Variants in CUX2 observed in about 807,000 individuals in gnomAD.
The protein encoded by CUX2 is cut like homeobox 2, also known as homeobox protein cut-like 2.
In CUX2, 40 loss-of-function variants were observed where a neutral mutation model predicts 144.8. That is an observed-to-expected ratio of 0.28 (90% CI 0.21 to 0.36). CUX2 has a LOEUF of 0.36. Ranked by LOEUF, CUX2 falls within the 10% of genes least tolerant of loss-of-function variation. The pLI is 1.00. For synonymous variants in CUX2, 827 were observed against 875.6 expected, an observed-to-expected ratio of 0.94 and a Z score of 0.98; for missense variants, 1,615 against 1,994.0, an observed-to-expected ratio of 0.81 and a Z score of 3.62.
chr12:111,348,229 G>C lies in CUX2; in HGVS notation c.4365G>C (p.Leu1455Phe). 1 of 1,613,952 alleles carries C rather than the reference G, an allele frequency of 6.2e-7. No homozygotes were observed. ...CCAGTGCCAAGGTGAACCCCAACTT[G>C]CAGCGGCGGCATGAGAAGATGGCCA... ...LHPSAKVNPN[L>F]QRRHEKMANL... is the part of the protein sequence containing the mutation. The change falls in exon 22 of 22, where the codon TTG (leucine) becomes TTC (phenylalanine). Residue 1455 changes from leucine (L) to phenylalanine (F), a missense_variant. Coordinates refer to ENST00000261726, the MANE Select transcript of CUX2 (RefSeq NM_015267.4).
rs115616317 is a variant in CUX2, at chr12:111,230,337, G to T, written c.222+12400G>T. Reference sequence around the variant, plus strand: ...GGCTGCCTGTGTGCTGCCTACAGCGGTGTCTTTCTCTAGAATCTTTCACTA... The same window carrying T: ...GGCTGCCTGTGTGCTGCCTACAGCGTTGTCTTTCTCTAGAATCTTTCACTA... On this transcript the variant is annotated intron_variant, in intron 3 of 21. Coordinates refer to ENST00000261726, the MANE Select transcript of CUX2 (RefSeq NM_015267.4). 2.6e-3 allele frequency among the ~76,000 whole-genome samples: 398 copies of T among 152,272 alleles called. 1 individual carries two copies. The highest frequency in any genetic ancestry group is 9.0e-3 in the African/African-American group (373 of 41,542).
At chr12:111,334,292 C>A in intron 18 of CUX2, 149 bp from the exon 19 acceptor site, 1 of 727,898 alleles carries the variant, frequency 1.4e-6, no homozygotes, top group Non-Finnish European at 2.2e-6. Flanking sequence ...GTTTTAGCAT[C>A]CAGGGTGGTC....
chr12:111,231,364 T>G lies in CUX2; in HGVS notation c.222+13427T>G, dbSNP rs554420925. On this transcript the variant is annotated intron_variant, in intron 3 of 21. Coordinates refer to ENST00000261726, the MANE Select transcript of CUX2 (RefSeq NM_015267.4). ...ATGTCCTCAAGGTTCACACATGTGG[T>G]ATTACATTTATGTTTAACAAAATTT... Among the ~76,000 whole-genome samples the G allele has an allele frequency of 2.6e-5, 4 of 152,372 alleles. No individual in the cohort carries two copies. In the South Asian group the frequency reaches 8.3e-4, roughly 32 times the overall value.
intron 1 of CUX2, among the ~76,000 whole-genome samples, chr12:111,212,575 C>T (rs933084091): frequency 2.6e-5 from 4 of 152,162 alleles, no homozygotes; most frequent in African/African-American, 9.7e-5. Context: ...CACTATGTTG[C>T]CCAGGCTGGT....
chr12:111,163,091 A>C (rs1442666049), intron 1 of CUX2, among the ~76,000 whole-genome samples: 1 of 151,816 alleles, frequency 6.6e-6, no homozygotes, highest in Non-Finnish European at 1.5e-5. Flanking sequence ...GCTGAATTCG[A>C]ATCTCAGCTC....
At chr12:111,123,469 C>A (rs1221092643) in intron 1 of CUX2, among the ~76,000 whole-genome samples, 1 of 152,046 alleles carries the variant, frequency 6.6e-6, no homozygotes, top group Admixed American at 6.6e-5. Flanking sequence ...GAGGCATGAG[C>A]CACCACGCCC....
chr12:111,050,612 C>T (rs1472116690), intron 1 of CUX2, among the ~76,000 whole-genome samples: 2 of 152,060 alleles, frequency 1.3e-5, no homozygotes, highest in African/African-American at 2.4e-5. Flanking sequence ...CTGTATGCCC[C>T]CTATGTCCAG....
intron 1 of CUX2, among the ~76,000 whole-genome samples, chr12:111,153,808 A>G (rs149747110): frequency 1.1e-4 from 16 of 152,292 alleles, no homozygotes; most frequent in Non-Finnish European, 1.9e-4. Context: ...TGCCATGACC[A>G]AGTGCCACAC....
At chr12:111,286,162 C>A (rs2136322485) in intron 4 of CUX2, among the ~76,000 whole-genome samples, 1 of 152,356 alleles carries the variant, frequency 6.6e-6, no homozygotes, top group Middle Eastern at 3.4e-3. Flanking sequence ...TCTGCCCAGA[C>A]AGCCAGCGCC....
At chr12:111,069,885 T>A (rs546108121) in intron 1 of CUX2, among the ~76,000 whole-genome samples, 110 of 152,160 alleles carry the variant, frequency 7.2e-4, no homozygotes, top group African/African-American at 2.6e-3. Context: ...CAGCTCCTAA[T>A]AAAAAAGTCA....
intron 1 of CUX2, among the ~76,000 whole-genome samples, chr12:111,132,037 A>G (rs1875516105): frequency 6.6e-6 from 1 of 152,204 alleles, no homozygotes; most frequent in Admixed American, 6.5e-5. Flanking sequence ...CTGCCCTAGC[A>G]AACGTTCTCC....
intron 4 of CUX2, among the ~76,000 whole-genome samples, chr12:111,280,726 C>T (rs528201977): frequency 2.0e-4 from 31 of 152,222 alleles, no homozygotes; most frequent in Non-Finnish European, 3.5e-4. Context: ...TCCATCTCAG[C>T]GTCCATCTTC....
At chr12:111,115,840 T>C (rs1874266513) in intron 1 of CUX2, among the ~76,000 whole-genome samples, 1 of 152,212 alleles carries the variant, frequency 6.6e-6, no homozygotes, top group Admixed American at 6.5e-5. Context: ...ATAAGTTCCA[T>C]ACAGGCAAAG....
chr12:111,156,775 C>A (rs529924684), intron 1 of CUX2, among the ~76,000 whole-genome samples: 1 of 152,132 alleles, frequency 6.6e-6, no homozygotes, highest in African/African-American at 2.4e-5. Context: ...ATCAGGAGTT[C>A]CAGACCAGCC....
chr12:111,118,848 GGT>G (rs1315596172), intron 1 of CUX2, among the ~76,000 whole-genome samples: 4 of 152,166 alleles, frequency 2.6e-5, no homozygotes, highest in African/African-American at 4.8e-5. Flanking sequence ...ATTGGTCTGG[GGT>G]GTGTCTGGCT....
At chr12:111,195,442 G>A (rs915538244) in intron 1 of CUX2, among the ~76,000 whole-genome samples, 2 of 152,202 alleles carry the variant, frequency 1.3e-5, no homozygotes, top group African/African-American at 4.8e-5. Flanking sequence ...GACCCCATGG[G>A]TCCCGGCCAG....
intron 1 of CUX2, among the ~76,000 whole-genome samples, chr12:111,144,154 A>C (rs972136806): frequency 2.6e-5 from 4 of 152,074 alleles, no homozygotes; most frequent in Non-Finnish European, 5.9e-5. Context: ...CTGGGCCTTT[A>C]ATATCTCCAT....
intron 1 of CUX2, among the ~76,000 whole-genome samples, chr12:111,212,141 C>T (rs1881269705): frequency 6.6e-6 from 1 of 152,152 alleles, no homozygotes; most frequent in South Asian, 2.1e-4. Flanking sequence ...TTGCTGCAAA[C>T]ACTGATCTCT....
At chr12:111,055,368 C>T (rs1592852566) in intron 1 of CUX2, among the ~76,000 whole-genome samples, 1 of 152,360 alleles carries the variant, frequency 6.6e-6, no homozygotes, top group Non-Finnish European at 1.5e-5. Context: ...CCTGGGGTAG[C>T]TGGACCCTGG....
Sources: allele counts gnomAD v4.1 joint callset (sites outside exome capture counted in the v4.1 genomes callset), GRCh38; gene constraint gnomAD v4.1.1; transcripts MANE v1.5; gene names NCBI Gene and HGNC (gene_info 2026-07-23, HGNC 2026-07-21).